The following FAF2 variants were observed in gnomAD, a reference collection of about 807,000 sequenced individuals.
The protein encoded by FAF2 is FAS-associated factor 2.
Under a neutral mutation model 62.3 loss-of-function variants are expected in FAF2, and 9 were observed. The observed-to-expected ratio is 0.14, with a 90% CI of 0.09 to 0.25. The LOEUF is 0.25. Ranked by LOEUF, FAF2 falls within the 10% of genes least tolerant of loss-of-function variation. The pLI is 1.00. For synonymous variants in FAF2, 202 were observed against 198.0 expected (o/e 1.02, Z -0.17); for missense variants, 368 against 556.2 (o/e 0.66, Z 3.40).
rs780623377 is a variant in FAF2 at position 176,493,974 on chromosome 5, G to A, written c.484-25G>A. The A allele has an allele frequency of 1.2e-5, 18 of 1,554,804 alleles. No individual in the cohort carries two copies. In the South Asian group the frequency reaches 2.0e-4, roughly 17 times the overall value. On this transcript the variant is annotated intron_variant, in intron 5 of 10. Transcript: ENST00000261942. Reference sequence around the variant, plus strand: ...AGCTCAAGGCACAGTCTTCTTAATAGTGAGTGACCTTCTCTTTCTCACAGG... The same window carrying A: ...AGCTCAAGGCACAGTCTTCTTAATAATGAGTGACCTTCTCTTTCTCACAGG...
intron 10 of FAF2, among the ~76,000 whole-genome samples, chr5:176,500,985 G>A (rs919458015): frequency 2.0e-5 from 3 of 152,038 alleles, no homozygotes; most frequent in African/African-American, 7.2e-5. Flanking sequence ...AAATTAGCTG[G>A]GCGTGGTGGC....
intron 1 of FAF2, among the ~76,000 whole-genome samples, chr5:176,478,508 C>T (rs547857395): frequency 1.3e-4 from 19 of 151,620 alleles, no homozygotes; most frequent in African/African-American, 4.4e-4. Context: ...GTAGGGGGGT[C>T]GGTATGTTAG....
intron 1 of FAF2, among the ~76,000 whole-genome samples, chr5:176,461,505 T>A (rs1255074456): frequency 2.0e-5 from 3 of 151,666 alleles, no homozygotes; most frequent in African/African-American, 4.8e-5. Flanking sequence ...TTTATTTTTT[T>A]TTTTTAGAGA....
At chr5:176,461,891 T>C (rs1175484669) in intron 1 of FAF2, among the ~76,000 whole-genome samples, 3 of 152,232 alleles carry the variant, frequency 2.0e-5, no homozygotes, top group Non-Finnish European at 4.4e-5. Context: ...ATGTCCAGAA[T>C]GATACTACTA....
At chr5:176,501,206 C>T (rs1250484285) in intron 10 of FAF2, among the ~76,000 whole-genome samples, 1 of 152,146 alleles carries the variant, frequency 6.6e-6, no homozygotes, top group East Asian at 1.9e-4. Flanking sequence ...TGCCTGGCTC[C>T]TAGTAAGTGC....
At chr5:176,468,026 G>A (rs898994706) in intron 1 of FAF2, among the ~76,000 whole-genome samples, 3 of 152,106 alleles carry the variant, frequency 2.0e-5, no homozygotes, top group Non-Finnish European at 2.9e-5. Flanking sequence ...TTAATCGGGT[G>A]TGTTGGTGGG....
chr5:176,470,713 A>G (rs1758551224), intron 1 of FAF2, among the ~76,000 whole-genome samples: 1 of 152,272 alleles, frequency 6.6e-6, no homozygotes, highest in African/African-American at 2.4e-5. Flanking sequence ...GTTTACAGAC[A>G]GTGAATGCCA....
intron 2 of FAF2, among the ~76,000 whole-genome samples, chr5:176,485,948 C>T (rs975210236): frequency 6.6e-6 from 1 of 152,190 alleles, no homozygotes; most frequent in Non-Finnish European, 1.5e-5. Context: ...CAAGCCCCTT[C>T]ATCAGATGCC....
intron 2 of FAF2, among the ~76,000 whole-genome samples, chr5:176,482,661 A>C (rs931798374): frequency 3.9e-5 from 6 of 152,204 alleles, no homozygotes; most frequent in African/African-American, 1.4e-4. Context: ...AGCACACACC[A>C]CCACATCCAG....
intron 1 of FAF2, among the ~76,000 whole-genome samples, chr5:176,449,971 G>C (rs1457310461): frequency 6.6e-6 from 1 of 152,116 alleles, no homozygotes; most frequent in Non-Finnish European, 1.5e-5. Flanking sequence ...AGAAAATGAT[G>C]GTGTCAGATT....
At chr5:176,459,283 G>A (rs560293759) in intron 1 of FAF2, among the ~76,000 whole-genome samples, 79 of 129,434 alleles carry the variant, frequency 6.1e-4, no homozygotes, top group African/African-American at 2.2e-3. Context: ...TTTTGAGATA[G>A]GGTCTCACTC....
In FAF2 at chr5:176,507,982, G is replaced by A. The variant is rs1755714144; in HGVS notation, c.*1032G>A. On this transcript the variant is annotated 3_prime_UTR_variant, in exon 11 of 11. Coordinates refer to ENST00000261942, the MANE Select transcript of FAF2 (RefSeq NM_014613.3). ...TGGTGCCTTTCCAAAGGACTAGCAG[G>A]GCCTGTGGTGGAGCCAGCAGAACCA... 6.6e-6 allele frequency: 1 copy of A among 152,580 alleles called. No individual in the cohort carries two copies. Among genetic ancestry groups the A allele is most frequent in the Non-Finnish European group, 1.5e-5 (1 of 68,046 alleles). 9.5% of individuals were successfully genotyped at this position (152,580 alleles called of 1,614,324 possible).
chr5:176,496,739 A>G, intron 8 of FAF2, 76 bp downstream of exon 8: 2 of 1,154,110 alleles, frequency 1.7e-6, no homozygotes, highest in South Asian at 3.9e-5. Flanking sequence ...GGCTCTACCA[A>G]TCCTGACTTC....
At chr5:176,470,060 C>G (rs1292950234) in intron 1 of FAF2, among the ~76,000 whole-genome samples, 1 of 152,140 alleles carries the variant, frequency 6.6e-6, no homozygotes, top group Non-Finnish European at 1.5e-5. Flanking sequence ...GGATTTTCCT[C>G]AGCATGCATA....
At chr5:176,485,577 G>A (rs1240541214) in intron 2 of FAF2, among the ~76,000 whole-genome samples, 1 of 152,072 alleles carries the variant, frequency 6.6e-6, no homozygotes, top group African/African-American at 2.4e-5. Flanking sequence ...AGTTAAGGAG[G>A]GAATGAATTT....
intron 10 of FAF2, among the ~76,000 whole-genome samples, chr5:176,503,228 A>C (rs1311303984): frequency 6.6e-6 from 1 of 151,942 alleles, no homozygotes; most frequent in African/African-American, 2.4e-5. Context: ...ACATAAAACC[A>C]AATAATGCTG....
At chr5:176,472,173 C>T (rs1475821721) in intron 1 of FAF2, among the ~76,000 whole-genome samples, 1 of 151,878 alleles carries the variant, frequency 6.6e-6, no homozygotes, top group Non-Finnish European at 1.5e-5. Context: ...CTCCGTCTCC[C>T]AGGCTAGAGC....
chr5:176,496,310 C>G (rs1186296233), intron 7 of FAF2, among the ~76,000 whole-genome samples, 176 bp from the exon 8 acceptor site: 5 of 151,984 alleles, frequency 3.3e-5, no homozygotes, highest in African/African-American at 1.2e-4. Flanking sequence ...GAGACCCTGG[C>G]TCAAAAAAAG....
At chr5:176,453,185 A>G (rs1415482276) in intron 1 of FAF2, 1 of 152,202 alleles carries the variant, frequency 6.6e-6, no homozygotes, top group African/African-American at 2.4e-5. Context: ...GCTATTTCAG[A>G]TGGGAAAGAA....
Sources: allele counts gnomAD v4.1 joint callset (sites outside exome capture counted in the v4.1 genomes callset), GRCh38; gene constraint gnomAD v4.1.1; transcripts MANE v1.5; gene names NCBI Gene and HGNC (gene_info 2026-07-23, HGNC 2026-07-21).